The following TLCD3B variants were observed in gnomAD, a reference collection of about 807,000 sequenced individuals.
TLCD3B encodes the protein ceramide synthase.
Under a neutral mutation model 23.0 loss-of-function variants are expected in TLCD3B, and 9 were observed. The ratio of observed to expected loss-of-function variants is 0.39; its 90% CI spans 0.24 to 0.68. TLCD3B has a LOEUF of 0.68. TLCD3B is among the 30% of genes least tolerant of loss of function. TLCD3B has a pLI of 0.44. For missense variants in TLCD3B, 307 were observed against 371.8 expected (o/e 0.83, Z 1.43); for synonymous variants, 161 against 161.0 (o/e 1.00, Z 0.00).
intron 1 of TLCD3B, among the ~76,000 whole-genome samples, chr16:30,048,181 C>G (rs1327156956): frequency 6.7e-6 from 1 of 150,152 alleles, no homozygotes; most frequent in African/African-American, 2.4e-5. Flanking sequence ...CAACAACAAA[C>G]AAAAAAACTC....
chr16:30,038,757 C>CA (rs112539866), intron 3 of TLCD3B, among the ~76,000 whole-genome samples: 67,375 of 144,218 alleles, frequency 0.47, 15,325 homozygotes, highest in African/African-American at 0.49. Context: ...GACTCTGTCT[C>CA]AAAAAAAAAA....
intron 2 of TLCD3B, among the ~76,000 whole-genome samples, chr16:30,045,092 C>CAA (rs1162281544): frequency 0.38 from 8,332 of 22,124 alleles, 2,211 homozygotes; most frequent in Non-Finnish European, 0.46. Context: ...GACTCCATCT[C>CAA]AAAAAAAAAA....
chr16:30,032,514 G>A, upstream of TLCD3B, among the ~76,000 whole-genome samples: 1 of 152,104 alleles, frequency 6.6e-6, no homozygotes, highest in East Asian at 1.9e-4. Flanking sequence ...AGCCCTTCAC[G>A]GGAGGGGGAA....
In TLCD3B at chr16:30,039,103, C is replaced by CTTTTTTTTTTTTTTTTTTT. The variant is rs1018184417; in HGVS notation, c.-67+1873_-67+1891dup. Among the ~76,000 whole-genome samples, 5 of 99,640 alleles carry CTTTTTTTTTTTTTTTTTTT rather than the reference C, an allele frequency of 5.0e-5. 2 individuals are homozygous for CTTTTTTTTTTTTTTTTTTT. The highest frequency in any genetic ancestry group is 1.9e-5 in the Non-Finnish European group (1 of 52,678). The allele number at this position is 99,640 out of a possible 152,430, so 65.4% of individuals were successfully genotyped here. A position where few individuals can be genotyped will look rare whatever the true frequency, so the allele number is the denominator to read the frequency against. On this transcript the variant is annotated intron_variant, in intron 3 of 6. Transcript: ENST00000561666. Reference sequence around the variant, plus strand: ...TTATCCTTCTCCTCCTCCTTCCTCTCTTTTTTTTTTTTTTTTTTTTTTTTT... The same window carrying CTTTTTTTTTTTTTTTTTTT: ...TTATCCTTCTCCTCCTCCTTCCTCTCTTTTTTTTTTTTTTTTTTTTTTTTTTTTTTTTTTTTTTTTTTTT...
At position 30,025,514 on chromosome 16, in the gene TLCD3B, C is replaced by A; in HGVS notation, c.541-47G>T. On this transcript the variant is annotated intron_variant, in intron 4 of 4. Coordinates refer to ENST00000380495, the MANE Select transcript of TLCD3B (RefSeq NM_031478.6). The surrounding 1 kb of genome is among the most constrained non-coding windows in gnomAD (Gnocchi z 4.1). Reference sequence around the variant, plus strand: ...GGCCACGGCAGCAGAAGGGCTCGGCCCCCCTTGGCCCTCTCCCTGCCTCCC... The same window carrying A: ...GGCCACGGCAGCAGAAGGGCTCGGCACCCCTTGGCCCTCTCCCTGCCTCCC... 1 of 1,602,794 alleles carries A rather than the reference C, an allele frequency of 6.2e-7. No homozygotes were observed. Among genetic ancestry groups the A allele is most frequent in the Non-Finnish European group, 8.5e-7 (1 of 1,174,764 alleles).
chr16:30,034,286 A>C (rs1440613198), upstream of TLCD3B, among the ~76,000 whole-genome samples: 1 of 151,116 alleles, frequency 6.6e-6, no homozygotes, highest in African/African-American at 2.4e-5. Context: ...TCAAAAAAAA[A>C]GAAGAGGCCG....
chr16:30,026,860 C>T lies in TLCD3B; in HGVS notation c.210-17G>A, dbSNP rs759367564. On this transcript the variant is annotated splice_polypyrimidine_tract_variant and intron_variant, in intron 2 of 4. Transcript: ENST00000380495. ...AGCCAGTGTCTGTTGGGCAGAGAGA[C>T]GGGGTGGGGGAGCAAGGAGGAAAGG... is the stretch of plus-strand genomic sequence containing the variant. The T allele has an allele frequency of 2.2e-5, 36 of 1,608,964 alleles. No homozygotes were observed. Among genetic ancestry groups the T allele is most frequent in the African/African-American group, 1.5e-4 (11 of 74,708 alleles).
chr16:30,026,624 G>A lies in TLCD3B; in HGVS notation c.429C>T (p.Cys143=). 1 of 1,613,186 alleles carries A rather than the reference G, an allele frequency of 6.2e-7. No individual in the cohort carries two copies. The highest frequency in any genetic ancestry group is 8.5e-7 in the Non-Finnish European group (1 of 1,179,702). Reference sequence around the variant, plus strand: ...CGGGACTCACCACTGAGAGTGGGAAGCACACCAGCACCATGGCGGCATGGT... The same window carrying A: ...CGGGACTCACCACTGAGAGTGGGAAACACACCAGCACCATGGCGGCATGGT... The part of the protein sequence containing the change: ...VLHHAAMVLV[C]FPLSVVWRQG... Residue 143 remains cysteine, a synonymous_variant, in exon 3 of 5, where the codon TGC becomes TGT. Transcript: ENST00000380495.
At chr16:30,051,143 A>G (rs2071741936) in intron 1 of TLCD3B, among the ~76,000 whole-genome samples, 1 of 152,036 alleles carries the variant, frequency 6.6e-6, no homozygotes, top group Non-Finnish European at 1.5e-5. Flanking sequence ...GGCCTGTAAT[A>G]CCAGCAACCT....
chr16:30,045,364 TGTG>T, intron 2 of TLCD3B, among the ~76,000 whole-genome samples: 1 of 142,064 alleles, frequency 7.0e-6, no homozygotes. Flanking sequence ...TGTGTGTGTG[TGTG>T]GTTTGTGTGT....
chr16:30,036,193 T>C (rs781331673), upstream of TLCD3B: 7 of 1,288,910 alleles, frequency 5.4e-6, no homozygotes, highest in Non-Finnish European at 7.1e-6. Context: ...GGGAGGTTGA[T>C]GTTTCTCCTC....
At position 30,030,895 on chromosome 16, in the gene TLCD3B, G is replaced by A. The variant is rs2071338311; in HGVS notation, c.-368C>T. ...GAGGGAGCCACCAGGCAGGTGGGGA[G>A]GGGAGGCTTACGTGAGAGGCTGGGA... is the stretch of plus-strand genomic sequence containing the variant. On this transcript the variant is annotated 5_prime_UTR_variant, in exon 1 of 5. Coordinates refer to ENST00000380495, the MANE Select transcript of TLCD3B (RefSeq NM_031478.6). 1 of 271,986 alleles carries A rather than the reference G, an allele frequency of 3.7e-6. No homozygotes were observed. 16.8% of individuals were successfully genotyped at this position (271,986 alleles called of 1,614,324 possible).
upstream of TLCD3B, among the ~76,000 whole-genome samples, chr16:30,031,729 G>A (rs1341930968): frequency 6.6e-6 from 1 of 152,242 alleles, no homozygotes; most frequent in Non-Finnish European, 1.5e-5. Context: ...ATTGGCCAGA[G>A]GGGGCACCTG....
rs950807126 is a variant in TLCD3B at position 30,025,074 on chromosome 16, T to A, written c.*109A>T. The A allele has an allele frequency of 4.5e-5, 33 of 732,016 alleles. No homozygotes were observed. The African/African-American group carries it at 5.4e-4, about 12-fold the overall frequency. The allele number at this position is 732,016 out of a possible 1,614,324, so 45.3% of individuals were successfully genotyped here. A position where few individuals can be genotyped will look rare whatever the true frequency, so the allele number is the denominator to read the frequency against. On this transcript the variant is annotated 3_prime_UTR_variant, in exon 5 of 5. Coordinates refer to ENST00000380495, the MANE Select transcript of TLCD3B (RefSeq NM_031478.6). The surrounding 1 kb of genome is among the most constrained non-coding windows in gnomAD (Gnocchi z 4.1). ...TCCCTTTCGGGGTCATCGTCAGTCC[T>A]GGGGTTGTCCGGGCAAGAGGACCCT... is the stretch of plus-strand genomic sequence containing the variant.
chr16:30,040,728 T>G (rs2071568307), intron 3 of TLCD3B, among the ~76,000 whole-genome samples: 1 of 151,856 alleles, frequency 6.6e-6, no homozygotes, highest in African/African-American at 2.4e-5. Flanking sequence ...CAATCACAGC[T>G]CACTGCAGCC....
chr16:30,035,826 G>T (rs1481442549), upstream of TLCD3B, among the ~76,000 whole-genome samples: 10 of 148,438 alleles, frequency 6.7e-5, no homozygotes, highest in African/African-American at 2.5e-4. Context: ...GTGGTGGCGT[G>T]ATCTTGGCTC....
chr16:30,025,617 G>C lies in TLCD3B; in HGVS notation c.540+109C>G, dbSNP rs1298787427. On this transcript the variant is annotated intron_variant, in intron 4 of 4. Transcript: ENST00000380495. This position sits in a 1 kb window ranked among gnomAD's most constrained non-coding sequence, Gnocchi z 4.1. ...GCACCAGGTGCTCAAAATGCACGGG[G>C]TGAGGGGGGGATGACGAAGGGGCTA... 6.8e-7 allele frequency: 1 copy of C among 1,467,410 alleles called. No homozygotes were observed. Among genetic ancestry groups the C allele is most frequent in the East Asian group, 2.3e-5 (1 of 44,254 alleles). The allele number at this position is 1,467,410 out of a possible 1,614,324, so 90.9% of individuals were successfully genotyped here. A position where few individuals can be genotyped will look rare whatever the true frequency, so the allele number is the denominator to read the frequency against.
At chr16:30,041,832 C>T (rs1477200119) in intron 2 of TLCD3B, among the ~76,000 whole-genome samples, 1 of 151,328 alleles carries the variant, frequency 6.6e-6, no homozygotes, top group Non-Finnish European at 1.5e-5. Flanking sequence ...GAATGGAAAA[C>T]CTTTGCACAA....
At chr16:30,051,920 C>T (rs745503045) in intron 1 of TLCD3B, among the ~76,000 whole-genome samples, 1 of 152,170 alleles carries the variant, frequency 6.6e-6, no homozygotes, top group Non-Finnish European at 1.5e-5. Flanking sequence ...AATGTGAGAC[C>T]CTACACACTG....
Sources: gnomAD v4.1 joint callset for allele counts (sites outside exome capture counted in the v4.1 genomes callset) on GRCh38, gnomAD v4.1.1 for gene constraint, Gnocchi (gnomAD v3.1) non-coding constraint, MANE v1.5 for transcripts, NCBI Gene and HGNC (gene_info 2026-07-23, HGNC 2026-07-21) for gene names.